Variants in PARD3 observed in about 807,000 individuals in gnomAD.
PARD3 encodes par-3 family cell polarity regulator.
In PARD3, 75 loss-of-function variants were observed where a neutral mutation model predicts 155.4. The ratio of observed to expected loss-of-function variants is 0.48; its 90% confidence interval spans 0.40 to 0.58. The LOEUF is 0.58. PARD3 is among the 20% of genes least tolerant of loss of function. The probability of loss-of-function intolerance (pLI) is 0.00; values close to 1 mark genes in which losing one functional copy is unlikely to be tolerated. For missense variants in PARD3, 1,642 were observed against 1,721.7 expected, an observed-to-expected ratio of 0.95 and a Z score of 0.82; for synonymous variants, 576 against 610.5, an observed-to-expected ratio of 0.94 and a Z score of 0.83.
intron 10 of PARD3, among the ~76,000 whole-genome samples, chr10:34,377,264 A>G (rs545158121): frequency 6.6e-6 from 1 of 152,350 alleles, no homozygotes; most frequent in Admixed American, 6.5e-5. Flanking sequence ...ATTTTATATG[A>G]CAAAATGTTA....
At chr10:34,566,470 G>A (rs2085950642) in intron 2 of PARD3, among the ~76,000 whole-genome samples, 1 of 152,148 alleles carries the variant, frequency 6.6e-6, no homozygotes, top group South Asian at 2.1e-4. Flanking sequence ...GAGGCTGAGA[G>A]GTACAATGAC....
intron 14 of PARD3, among the ~76,000 whole-genome samples, chr10:34,357,963 A>G (rs1472076973): frequency 6.6e-6 from 1 of 152,168 alleles, no homozygotes; most frequent in Non-Finnish European, 1.5e-5. Context: ...ACGGTGCTTT[A>G]TGTGTTTATT....
chr10:34,650,313 G>A (rs7907886), intron 2 of PARD3, among the ~76,000 whole-genome samples: 1,803 of 152,316 alleles, frequency 0.012, 47 homozygotes, highest in African/African-American at 0.04. Context: ...TCGACACTAC[G>A]ACGTCACTAG....
intron 15 of PARD3, chr10:34,345,434 T>C: frequency 1.0e-6 from 1 of 985,262 alleles, no homozygotes; most frequent in Non-Finnish European, 1.2e-6. Flanking sequence ...AGCCAGAATT[T>C]CAATACAAAG....
At chr10:34,534,709 T>A (rs1031852990) in intron 2 of PARD3, among the ~76,000 whole-genome samples, 1 of 152,002 alleles carries the variant, frequency 6.6e-6, no homozygotes, top group Non-Finnish European at 1.5e-5. Context: ...GTTGCTATCA[T>A]TAGTATCATC....
At chr10:34,567,660 C>T (rs1222485583) in intron 2 of PARD3, among the ~76,000 whole-genome samples, 4 of 152,174 alleles carry the variant, frequency 2.6e-5, no homozygotes, top group Non-Finnish European at 5.9e-5. Flanking sequence ...CAGTTATGCA[C>T]TTTGACAATT....
chr10:34,304,678 G>GT (rs1436301637), intron 20 of PARD3, among the ~76,000 whole-genome samples: 1 of 152,144 alleles, frequency 6.6e-6, no homozygotes, highest in East Asian at 1.9e-4. Flanking sequence ...TGTGACCTTG[G>GT]TAAGTTCTTC....
intron 22 of PARD3, among the ~76,000 whole-genome samples, chr10:34,212,384 G>T (rs934340391): frequency 2.6e-5 from 4 of 152,014 alleles, no homozygotes; most frequent in Non-Finnish European, 4.4e-5. Flanking sequence ...CATCTTTCTA[G>T]CCCGACCCCT....
chr10:34,458,403 A>G (rs375704034), intron 4 of PARD3, among the ~76,000 whole-genome samples: 9 of 152,142 alleles, frequency 5.9e-5, no homozygotes, highest in East Asian at 3.9e-4. Flanking sequence ...GAGTCTTACT[A>G]TGTTGCTCAG....
intron 2 of PARD3, among the ~76,000 whole-genome samples, chr10:34,666,689 T>G (rs1298584988): frequency 6.7e-6 from 1 of 149,252 alleles, no homozygotes; most frequent in Non-Finnish European, 1.5e-5. Flanking sequence ...AGCCTTCAGT[T>G]TTCAATCTGA....
intron 2 of PARD3, among the ~76,000 whole-genome samples, chr10:34,612,062 G>A (rs895591149): frequency 5.3e-5 from 8 of 151,644 alleles, no homozygotes; most frequent in East Asian, 1.9e-4. Context: ...CCCTCACCTC[G>A]TGATCCGCCC....
chr10:34,425,115 C>T (rs1174937818), intron 5 of PARD3, among the ~76,000 whole-genome samples: 2 of 151,854 alleles, frequency 1.3e-5, no homozygotes, highest in Non-Finnish European at 2.9e-5. Flanking sequence ...TCCTATCTTC[C>T]AATTTTTTTC....
At chr10:34,254,275 A>G (rs530738979) in intron 22 of PARD3, among the ~76,000 whole-genome samples, 1 of 152,150 alleles carries the variant, frequency 6.6e-6, no homozygotes, top group South Asian at 2.1e-4. Context: ...GCTACTCAGG[A>G]GGCTGAGGCA....
chr10:34,115,208 G>T (rs4007313), intron 24 of PARD3, among the ~76,000 whole-genome samples: 5 of 152,136 alleles, frequency 3.3e-5, no homozygotes, highest in African/African-American at 1.2e-4. Flanking sequence ...ACGCGGGAGG[G>T]TGCAGAGACA....
intron 7 of PARD3, among the ~76,000 whole-genome samples, chr10:34,394,760 T>C (rs974772898): frequency 1.3e-5 from 2 of 152,186 alleles, no homozygotes; most frequent in African/African-American, 4.8e-5. Flanking sequence ...AAATACTTCT[T>C]AACCACCATC....
At chr10:34,263,718 G>A (rs576928659) in intron 22 of PARD3, among the ~76,000 whole-genome samples, 259 of 152,276 alleles carry the variant, frequency 1.7e-3, no homozygotes, top group South Asian at 6.8e-3. Context: ...TCTCTTGTAC[G>A]TTACACTCAA....
intron 5 of PARD3, among the ~76,000 whole-genome samples, chr10:34,436,908 C>A (rs1006041114): frequency 2.0e-5 from 3 of 151,860 alleles, no homozygotes; most frequent in African/African-American, 7.3e-5. Context: ...AAGCATGGTA[C>A]CATTTGAAAG....
intron 17 of PARD3, 30 bp from the exon 18 acceptor site, chr10:34,336,273 C>T: frequency 6.3e-7 from 1 of 1,577,150 alleles, no homozygotes; most frequent in Non-Finnish European, 8.7e-7. Context: ...TAATAGTTAG[C>T]CCAGTTAGTT....
At chr10:34,476,026 G>A (rs955310271) in intron 3 of PARD3, among the ~76,000 whole-genome samples, 4 of 151,884 alleles carry the variant, frequency 2.6e-5, no homozygotes, top group African/African-American at 7.3e-5. Context: ...GGTGGCTCAC[G>A]AATGTAACAC....
Sources: gnomAD v4.1 joint callset for allele counts (sites outside exome capture counted in the v4.1 genomes callset) on GRCh38, gnomAD v4.1.1 for gene constraint, MANE v1.5 for transcripts, NCBI Gene and HGNC (gene_info 2026-07-23, HGNC 2026-07-21) for gene names.